Variants in CNNM2 observed in about 807,000 individuals in gnomAD.
CNNM2 encodes the protein metal transporter CNNM2.
CNNM2 carries 12 observed loss-of-function variants against 66.9 expected under a neutral mutation model. The ratio of observed to expected loss-of-function variants is 0.18; its 90% CI spans 0.11 to 0.29. The LOEUF (loss-of-function observed/expected upper bound fraction) is 0.29. Ranked by LOEUF, CNNM2 falls within the 10% of genes least tolerant of loss-of-function variation. The pLI is 1.00. For synonymous variants in CNNM2, 557 were observed against 501.8 expected, an observed-to-expected ratio of 1.11 and a Z score of -1.47; for missense variants, 705 against 1,167.7, an observed-to-expected ratio of 0.60 and a Z score of 5.77.
chr10:103,034,207 T>C (rs1414575750), intron 1 of CNNM2, among the ~76,000 whole-genome samples: 3 of 151,828 alleles, frequency 2.0e-5, no homozygotes, highest in Non-Finnish European at 4.4e-5. Context: ...ATTAAATGTA[T>C]AATAATAAAT....
intron 1 of CNNM2, among the ~76,000 whole-genome samples, chr10:103,031,854 G>A (rs927728411): frequency 6.6e-6 from 1 of 152,078 alleles, no homozygotes; most frequent in Non-Finnish European, 1.5e-5. Flanking sequence ...GGGCGTGAGG[G>A]GATTTATCCC....
At chr10:103,055,788 T>A (rs2065284914) in intron 3 of CNNM2, among the ~76,000 whole-genome samples, 1 of 152,178 alleles carries the variant, frequency 6.6e-6, no homozygotes, top group Non-Finnish European at 1.5e-5. Context: ...TGTTCCTCAT[T>A]TAAGTACCAC....
chr10:103,018,768 C>T (rs1309206375), intron 1 of CNNM2, among the ~76,000 whole-genome samples: 1 of 143,010 alleles, frequency 7.0e-6, no homozygotes, highest in African/African-American at 2.6e-5. Context: ...AAGTGATTCT[C>T]CTCCCTCAGC....
chr10:103,004,154 C>T (rs2064180537), intron 1 of CNNM2, among the ~76,000 whole-genome samples: 1 of 148,592 alleles, frequency 6.7e-6, no homozygotes, highest in Admixed American at 6.7e-5. Flanking sequence ...AGGCACCTGC[C>T]ACCAAGCCTG....
At chr10:103,049,570 G>C (rs972355448) in intron 1 of CNNM2, 137 bp from the exon 2 acceptor site, 3 of 835,678 alleles carry the variant, frequency 3.6e-6, no homozygotes, top group Non-Finnish European at 5.7e-6. Flanking sequence ...TGATGTCTCA[G>C]TACCATTTTA....
intron 1 of CNNM2, chr10:102,927,352 A>G: frequency 6.2e-7 from 1 of 1,613,990 alleles, no homozygotes; most frequent in Non-Finnish European, 8.5e-7. Flanking sequence ...CAGAACACAC[A>G]AACAAGAAAC....
chr10:103,064,658 G>A (rs548716795), intron 4 of CNNM2, among the ~76,000 whole-genome samples: 1 of 152,320 alleles, frequency 6.6e-6, no homozygotes, highest in South Asian at 2.1e-4. Context: ...GGGAAACATA[G>A]TGAGACCCCG....
rs756142432 is a variant in CNNM2, at chr10:102,927,378, A to T, written c.1621+7277A>T. The T allele has an allele frequency of 3.7e-6, 6 of 1,613,956 alleles. No homozygotes were observed. In the South Asian group the frequency reaches 6.6e-5, roughly 18 times the overall value. On this transcript the variant is annotated intron_variant, in intron 1 of 7. Coordinates refer to ENST00000369878, the MANE Select transcript of CNNM2 (RefSeq NM_017649.5). ...AACAAGAAACCCAAATCATACCAAC[A>T]CTGAAAAGAAGAGACAATAAGAAGC...
In CNNM2 at chr10:103,077,248, T is replaced by A; in HGVS notation, c.*68T>A. ...CCGAGGGCCCGGCCCTGTCTGCCCA[T>A]GACTTCACTGGTGTGAGCTTGTCCG... On this transcript the variant is annotated 3_prime_UTR_variant, in exon 8 of 8. Transcript: ENST00000369878. 1 of 1,397,552 alleles carries A rather than the reference T, an allele frequency of 7.2e-7. No individual in the cohort carries two copies. The highest frequency in any genetic ancestry group is 1.0e-6 in the Non-Finnish European group (1 of 1,000,424). The allele number at this position is 1,397,552 out of a possible 1,614,324, so 86.6% of individuals were successfully genotyped here.
rs549034217 is a variant in CNNM2, at chr10:102,932,786, G to A, written c.1621+12685G>A. Among the ~76,000 whole-genome samples the A allele has an allele frequency of 3.3e-5, 5 of 151,570 alleles. No homozygotes were observed. The East Asian group carries it at 5.8e-4, about 18-fold the overall frequency. On this transcript the variant is annotated intron_variant, in intron 1 of 7. Transcript: ENST00000369878. ...TACAAAAATTAGCCAGCGTGGTGGTGCATGCCTGTAGTCCCAGCTGATGAG... is the reference window on the plus strand; with the variant it reads ...TACAAAAATTAGCCAGCGTGGTGGTACATGCCTGTAGTCCCAGCTGATGAG...
chr10:102,948,360 A>G (rs1846697458), intron 1 of CNNM2, among the ~76,000 whole-genome samples: 1 of 152,160 alleles, frequency 6.6e-6, no homozygotes, highest in African/African-American at 2.4e-5. Context: ...GAGATCTGAC[A>G]GATAAGTAGG....
In CNNM2 at chr10:102,920,041, C is replaced by A; in HGVS notation, c.1561C>A (p.Pro521Thr). ...LKTITKFYNH[P>T]LHFVFNDTKL... The stretch of plus-strand genomic sequence containing the variant: ...AACCATCACCAAATTTTATAACCAC[C>A]CCTTGCACTTTGTTTTCAATGACAC... Residue 521 changes from proline (P) to threonine (T), a missense_variant, in exon 1 of 8, where the codon CCC (proline) becomes ACC (threonine). Transcript: ENST00000369878. 1 of 1,614,186 alleles carries A rather than the reference C, an allele frequency of 6.2e-7. No individual in the cohort carries two copies. Among genetic ancestry groups the A allele is most frequent in the Non-Finnish European group, 8.5e-7 (1 of 1,180,042 alleles).
At chr10:103,021,242 C>T (rs1383860345) in intron 1 of CNNM2, among the ~76,000 whole-genome samples, 1 of 152,134 alleles carries the variant, frequency 6.6e-6, no homozygotes, top group East Asian at 1.9e-4. Context: ...GCCCCACAGC[C>T]TCCCTGACGA....
intron 1 of CNNM2, among the ~76,000 whole-genome samples, chr10:102,923,683 C>CT (rs1845741936): frequency 6.6e-6 from 1 of 152,232 alleles, no homozygotes; most frequent in South Asian, 2.1e-4. Flanking sequence ...CTGGTGTCCC[C>CT]TTTTTTGCCA....
Position 103,078,817 on chromosome 10 carries a change from G to A in CNNM2, c.*1637G>A, listed in dbSNP as rs868865067. 3.2e-4 allele frequency: 48 copies of A among 152,302 alleles called. No individual in the cohort carries two copies. The highest frequency in any genetic ancestry group is 1.2e-3 in the African/African-American group (48 of 41,458). 9.4% of individuals were successfully genotyped at this position (152,302 alleles called of 1,614,324 possible). ...CTACTCCAGGTAGGAAGTCTGTTCAGCCACGGCTGGGCTGTGTGCGGGGCA... is the reference window on the plus strand; with the variant it reads ...CTACTCCAGGTAGGAAGTCTGTTCAACCACGGCTGGGCTGTGTGCGGGGCA... On this transcript the variant is annotated 3_prime_UTR_variant, in exon 8 of 8. Transcript: ENST00000369878.
intron 1 of CNNM2, among the ~76,000 whole-genome samples, chr10:103,047,567 G>C (rs938301427): frequency 1.1e-4 from 16 of 152,196 alleles, no homozygotes; most frequent in African/African-American, 3.9e-4. Context: ...AGTGTAAGAT[G>C]TTAACAATGG....
intron 1 of CNNM2, among the ~76,000 whole-genome samples, chr10:103,016,365 A>G (rs1000495037): frequency 6.6e-6 from 1 of 152,038 alleles, no homozygotes; most frequent in African/African-American, 2.4e-5. Flanking sequence ...CAATATTTCA[A>G]TATTTCAAAA....
chr10:103,011,652 G>GTA (rs1209182129), intron 1 of CNNM2, among the ~76,000 whole-genome samples: 1 of 145,470 alleles, frequency 6.9e-6, no homozygotes, highest in African/African-American at 2.6e-5. Flanking sequence ...TGCACTGTGT[G>GTA]TGTGTGTGTG....
At chr10:102,975,643 G>A (rs1769745257) in intron 1 of CNNM2, among the ~76,000 whole-genome samples, 1 of 152,148 alleles carries the variant, frequency 6.6e-6, no homozygotes, top group Non-Finnish European at 1.5e-5. Flanking sequence ...CAAAACTTGT[G>A]TCTGTGTTGG....
Sources: allele counts gnomAD v4.1 joint callset (sites outside exome capture counted in the v4.1 genomes callset), GRCh38; gene constraint gnomAD v4.1.1; transcripts MANE v1.5; gene names NCBI Gene and HGNC (gene_info 2026-07-23, HGNC 2026-07-21).